Variants in VWA3B observed in about 807,000 individuals in gnomAD.
VWA3B encodes von Willebrand factor A domain-containing protein 3B.
Under a neutral mutation model 158.3 loss-of-function variants are expected in VWA3B, and 138 were observed. That is an observed-to-expected ratio of 0.87 (90% CI 0.76 to 1.00). The LOEUF is 1.00. VWA3B is among the 50% of genes least tolerant of loss of function. The probability of loss-of-function intolerance (pLI) is 0.00; values close to 1 mark genes in which losing one functional copy is unlikely to be tolerated. For synonymous variants in VWA3B, 596 were observed against 587.3 expected, an observed-to-expected ratio of 1.01 and a Z score of -0.21; for missense variants, 1,555 against 1,565.1, an observed-to-expected ratio of 0.99 and a Z score of 0.11.
At chr2:98,211,405 A>G (rs1290437921) in intron 12 of VWA3B, among the ~76,000 whole-genome samples, 2 of 152,204 alleles carry the variant, frequency 1.3e-5, no homozygotes, top group African/African-American at 4.8e-5. Context: ...TGAAGTATTC[A>G]AGAGATTTTC....
chr2:98,098,833 T>C (rs1429270333), intron 2 of VWA3B, among the ~76,000 whole-genome samples: 2 of 152,154 alleles, frequency 1.3e-5, no homozygotes, highest in South Asian at 2.1e-4. Flanking sequence ...TCTAGTAGTA[T>C]GTTTTAATTA....
intron 2 of VWA3B, among the ~76,000 whole-genome samples, chr2:98,094,499 T>G (rs1192843929): frequency 1.3e-5 from 2 of 152,154 alleles, no homozygotes; most frequent in African/African-American, 4.8e-5. Flanking sequence ...AATATTTAAG[T>G]TCCTTTAATA....
At chr2:98,199,509 C>T (rs139632389) in intron 12 of VWA3B, among the ~76,000 whole-genome samples, 25 of 152,262 alleles carry the variant, frequency 1.6e-4, no homozygotes, top group Middle Eastern at 3.4e-3. Flanking sequence ...TCCCTGAGCC[C>T]CAATTTCCGC....
chr2:98,217,662 C>G (rs1371774464), intron 13 of VWA3B, among the ~76,000 whole-genome samples, 184 bp from the exon 14 acceptor site: 1 of 152,196 alleles, frequency 6.6e-6, no homozygotes, highest in South Asian at 2.1e-4. Context: ...TCATTGTACT[C>G]TCACCATCTG....
At chr2:98,179,779 CTCTTTCTTT>C (rs1680336788) in intron 8 of VWA3B, among the ~76,000 whole-genome samples, 1 of 90,884 alleles carries the variant, frequency 1.1e-5, no homozygotes, top group Non-Finnish European at 2.3e-5. Context: ...CTCTTTCTTT[CTCTTTCTTT>C]TCTTTCTTTC....
intron 8 of VWA3B, among the ~76,000 whole-genome samples, chr2:98,169,909 A>G (rs755174779): frequency 2.6e-5 from 4 of 152,106 alleles, no homozygotes; most frequent in African/African-American, 4.8e-5. Flanking sequence ...ACTTCAGCCC[A>G]GGAGTTTGAG....
intron 21 of VWA3B, among the ~76,000 whole-genome samples, chr2:98,260,665 G>A (rs1283753024): frequency 2.6e-5 from 4 of 151,624 alleles, no homozygotes; most frequent in African/African-American, 4.8e-5. Context: ...ATACATAACT[G>A]TCTATGCCTC....
intron 19 of VWA3B, among the ~76,000 whole-genome samples, chr2:98,239,000 C>G (rs559628862): frequency 9.9e-4 from 151 of 152,288 alleles, no homozygotes; most frequent in Non-Finnish European, 2.0e-3. Context: ...TAGACACCAC[C>G]TCCCCCATCA....
chr2:98,306,836 T>C (rs1192467055), intron 26 of VWA3B, among the ~76,000 whole-genome samples: 1 of 152,200 alleles, frequency 6.6e-6, no homozygotes, highest in Admixed American at 6.5e-5. Flanking sequence ...CTTCATTGAC[T>C]CTCGAGTCCC....
At chr2:98,201,992 G>A (rs1269391484) in intron 12 of VWA3B, among the ~76,000 whole-genome samples, 1 of 151,996 alleles carries the variant, frequency 6.6e-6, no homozygotes, top group Non-Finnish European at 1.5e-5. Context: ...CTTAGAAATT[G>A]TTGTCTAATT....
At chr2:98,163,210 T>C (rs1678780656) in intron 8 of VWA3B, among the ~76,000 whole-genome samples, 1 of 151,988 alleles carries the variant, frequency 6.6e-6, no homozygotes, top group African/African-American at 2.4e-5. Context: ...TATGTGGAGA[T>C]TGTCAGTACC....
chr2:98,223,376 C>T (rs543018633), intron 14 of VWA3B, among the ~76,000 whole-genome samples: 99 of 148,474 alleles, frequency 6.7e-4, no homozygotes, highest in African/African-American at 2.4e-3. Context: ...GCATTAGTAT[C>T]ATCGGAGTCC....
intron 22 of VWA3B, among the ~76,000 whole-genome samples, chr2:98,275,574 AT>A (rs1218757268): frequency 2.0e-5 from 3 of 152,244 alleles, no homozygotes; most frequent in African/African-American, 7.2e-5. Flanking sequence ...CTGACTTCAA[AT>A]AAAAAAATCA....
At chr2:98,290,652 C>A in intron 23 of VWA3B, 30 bp downstream of exon 23, 4 of 1,447,940 alleles carry the variant, frequency 2.8e-6, no homozygotes, top group South Asian at 1.3e-5. Context: ...TTTCGTGAGG[C>A]TTTTGTTAAA....
intron 7 of VWA3B, among the ~76,000 whole-genome samples, chr2:98,157,456 AT>A (rs1573932894): frequency 6.6e-6 from 1 of 152,144 alleles, no homozygotes; most frequent in South Asian, 2.1e-4. Context: ...ATAACTGGGA[AT>A]TTTTTTATTA....
intron 7 of VWA3B, among the ~76,000 whole-genome samples, chr2:98,148,922 C>T (rs954989390): frequency 1.3e-5 from 2 of 152,180 alleles, no homozygotes; most frequent in South Asian, 2.1e-4. Flanking sequence ...ATGGGCTTCA[C>T]GTTATCCAAA....
chr2:98,321,144 G>A, the VWA3B span, among the ~76,000 whole-genome samples: 90 of 152,366 alleles, frequency 5.9e-4, 1 homozygote, highest in African/African-American at 2.0e-3. Flanking sequence ...TACAAGTGGT[G>A]TTGGGCCTGT....
intron 14 of VWA3B, among the ~76,000 whole-genome samples, chr2:98,219,542 A>T (rs1190428573): frequency 6.6e-6 from 1 of 152,230 alleles, no homozygotes; most frequent in Admixed American, 6.5e-5. Flanking sequence ...AGTGGCCAAA[A>T]ATTTTCCAAA....
At position 98,181,015 on chromosome 2, in the gene VWA3B, G is replaced by A. The variant is rs1020838935; in HGVS notation, c.1115-1G>A. ...ATGGCTGACAAGCTGTGATTCTACAGAGTCAGAAACAACCTCTGTTGAGAT... is the reference window on the plus strand; with the variant it reads ...ATGGCTGACAAGCTGTGATTCTACAAAGTCAGAAACAACCTCTGTTGAGAT... On this transcript the variant is annotated splice_acceptor_variant, in intron 8 of 27. Transcript: ENST00000477737. LOFTEE classifies it high-confidence loss of function. 3.1e-6 allele frequency: 5 copies of A among 1,613,868 alleles called. No homozygotes were observed. Among genetic ancestry groups the A allele is most frequent in the Non-Finnish European group, 4.2e-6 (5 of 1,179,764 alleles).
Sources: allele counts gnomAD v4.1 joint callset (sites outside exome capture counted in the v4.1 genomes callset), GRCh38; gene constraint gnomAD v4.1.1; transcripts MANE v1.5; gene names NCBI Gene and HGNC (gene_info 2026-07-23, HGNC 2026-07-21).